SIK2: variants seen among roughly 807,000 people sequenced by gnomAD.
The protein encoded by SIK2 is salt inducible kinase 2, also known as serine/threonine-protein kinase SIK2.
Under a neutral mutation model 103.2 loss-of-function variants are expected in SIK2, and 29 were observed. The ratio of observed to expected loss-of-function variants is 0.28; its 90% CI spans 0.21 to 0.38. The LOEUF (loss-of-function observed/expected upper bound fraction) is 0.38. SIK2 is among the 10% of genes least tolerant of loss of function. The pLI, the probability that SIK2 is intolerant of heterozygous loss-of-function variation, is 1.00. For missense variants in SIK2, 879 were observed against 1,171.0 expected, an observed-to-expected ratio of 0.75 and a Z score of 3.64; for synonymous variants, 412 against 446.1, an observed-to-expected ratio of 0.92 and a Z score of 0.96.
intron 3 of SIK2, among the ~76,000 whole-genome samples, chr11:111,631,271 C>T (rs1942033493): frequency 2.0e-5 from 3 of 152,114 alleles, no homozygotes; most frequent in African/African-American, 7.2e-5. Context: ...AAAGGCAGTA[C>T]ATTAGACACT....
intron 4 of SIK2, among the ~76,000 whole-genome samples, chr11:111,691,987 A>C (rs916310564): frequency 2.0e-5 from 3 of 152,128 alleles, no homozygotes; most frequent in Non-Finnish European, 4.4e-5. Flanking sequence ...GAATCAGGGA[A>C]ATTATTAGCT....
chr11:111,646,593 C>T (rs1942260711), intron 3 of SIK2, among the ~76,000 whole-genome samples: 2 of 152,194 alleles, frequency 1.3e-5, no homozygotes, highest in African/African-American at 4.8e-5. Context: ...ATCTTTCCCT[C>T]CTGCCTGCTC....
intron 3 of SIK2, among the ~76,000 whole-genome samples, chr11:111,679,596 T>C (rs1942751108): frequency 6.6e-6 from 1 of 152,240 alleles, no homozygotes; most frequent in Non-Finnish European, 1.5e-5. Context: ...AATAGTATTA[T>C]AACCTAATAT....
intron 4 of SIK2, among the ~76,000 whole-genome samples, chr11:111,699,868 T>G (rs1467560205): frequency 6.6e-6 from 1 of 152,230 alleles, no homozygotes; most frequent in East Asian, 1.9e-4. Context: ...TCAATCTGTC[T>G]GGCAGTAGAG....
At chr11:111,617,957 G>C (rs1016402248) in intron 2 of SIK2, among the ~76,000 whole-genome samples, 1 of 151,794 alleles carries the variant, frequency 6.6e-6, no homozygotes, top group African/African-American at 2.4e-5. Flanking sequence ...TAGAGAGAGG[G>C]TCTCACTGTT....
At chr11:111,622,494 T>C (rs927063919) in intron 3 of SIK2, among the ~76,000 whole-genome samples, 10 of 152,042 alleles carry the variant, frequency 6.6e-5, no homozygotes, top group Non-Finnish European at 1.2e-4. Context: ...GACATCGTGA[T>C]CCGCCCGCCT....
rs1944039740 is a variant in SIK2, at chr11:111,728,221, GAAGCTCGT to G, written c.*4096_*4103del. 6.6e-6 allele frequency: 1 copy of G among 152,168 alleles called. No homozygotes were observed. The highest frequency in any genetic ancestry group is 2.4e-5 in the African/African-American group (1 of 41,438). The allele number at this position is 152,168 out of a possible 1,614,324, so 9.4% of individuals were successfully genotyped here. ...TGAAAGGTGAAAATTGGAGAACAGG[GAAGCTCGT>G]AAGTTGGAGTCATTGTACAGGCAGG... On this transcript the variant is annotated 3_prime_UTR_variant, in exon 15 of 15. Transcript: ENST00000304987.
At chr11:111,632,035 TAAG>T (rs1454638507) in intron 3 of SIK2, among the ~76,000 whole-genome samples, 2 of 151,994 alleles carry the variant, frequency 1.3e-5, no homozygotes, top group Non-Finnish European at 2.9e-5. Flanking sequence ...AGAATATAAA[TAAG>T]AAGAAAGAGT....
intron 4 of SIK2, among the ~76,000 whole-genome samples, chr11:111,691,631 C>T (rs1254958878): frequency 6.6e-6 from 1 of 152,154 alleles, no homozygotes. Flanking sequence ...TATGGTTGTA[C>T]ATTTAGTGTC....
At chr11:111,627,105 T>A in intron 3 of SIK2, among the ~76,000 whole-genome samples, 1 of 152,058 alleles carries the variant, frequency 6.6e-6, no homozygotes, top group Middle Eastern at 3.4e-3. Flanking sequence ...ATATGAAATA[T>A]ATAGGGAAGA....
intron 4 of SIK2, 69 bp from the exon 5 acceptor site, chr11:111,700,817 T>TC: frequency 6.3e-7 from 1 of 1,575,236 alleles, no homozygotes; most frequent in Non-Finnish European, 8.7e-7. Context: ...TATTAGAAAA[T>TC]TTATTACAGA....
At chr11:111,644,017 G>A (rs929408525) in intron 3 of SIK2, among the ~76,000 whole-genome samples, 1 of 151,692 alleles carries the variant, frequency 6.6e-6, no homozygotes, top group African/African-American at 2.4e-5. Flanking sequence ...GCCAGGCGTG[G>A]TGGCTAACAC....
chr11:111,682,705 G>T (rs1049838665), intron 3 of SIK2, among the ~76,000 whole-genome samples: 2 of 152,274 alleles, frequency 1.3e-5, no homozygotes, highest in African/African-American at 4.8e-5. Context: ...TATTTAATAT[G>T]ATTTTATGTA....
chr11:111,685,998 T>G (rs1942840933), intron 3 of SIK2, among the ~76,000 whole-genome samples: 1 of 152,256 alleles, frequency 6.6e-6, no homozygotes, highest in South Asian at 2.1e-4. Context: ...TCAGCCAGAT[T>G]ACTTAATCCC....
At chr11:111,710,834 A>G (rs1178335498) in intron 8 of SIK2, among the ~76,000 whole-genome samples, 2 of 152,232 alleles carry the variant, frequency 1.3e-5, no homozygotes, top group African/African-American at 2.4e-5. Context: ...AGGAGAAGCT[A>G]GAATCTCATA....
At chr11:111,643,998 A>G (rs1340161039) in intron 3 of SIK2, among the ~76,000 whole-genome samples, 1 of 151,710 alleles carries the variant, frequency 6.6e-6, no homozygotes, top group African/African-American at 2.4e-5. Context: ...AAAGAAAGAA[A>G]GAAAAGAGGC....
At chr11:111,622,077 TTATC>T (rs776327284) in intron 3 of SIK2, among the ~76,000 whole-genome samples, 3 of 152,158 alleles carry the variant, frequency 2.0e-5, no homozygotes, top group Non-Finnish European at 4.4e-5. Context: ...TTTTTGAAAA[TTATC>T]TATCAGTGTA....
intron 3 of SIK2, among the ~76,000 whole-genome samples, chr11:111,647,987 T>C (rs1942279871): frequency 6.6e-6 from 1 of 152,102 alleles, no homozygotes; most frequent in Non-Finnish European, 1.5e-5. Context: ...ATTTTTATCA[T>C]ATAGTAAATG....
Position 111,722,784 on chromosome 11 carries a change from T to C in SIK2, c.2147+28T>C. The C allele has an allele frequency of 6.2e-7, 1 of 1,603,102 alleles. No individual in the cohort carries two copies. The highest frequency in any genetic ancestry group is 8.5e-7 in the Non-Finnish European group (1 of 1,173,032). ...GAGAAGGGGACTTTGGCCAAAGAAG[T>C]TGCTTCCTTTTCTGGAAGCCTTGAG... On this transcript the variant is annotated intron_variant, in intron 14 of 14. Coordinates refer to ENST00000304987, the MANE Select transcript of SIK2 (RefSeq NM_015191.3). The surrounding 1 kb of genome is among the most constrained non-coding windows in gnomAD (Gnocchi z 4.4).
Sources: gnomAD v4.1 joint callset for allele counts (sites outside exome capture counted in the v4.1 genomes callset) on GRCh38, gnomAD v4.1.1 for gene constraint, Gnocchi (gnomAD v3.1) non-coding constraint, MANE v1.5 for transcripts, NCBI Gene and HGNC (gene_info 2026-07-23, HGNC 2026-07-21) for gene names.